LRRTM4: variants seen among roughly 807,000 people sequenced by gnomAD.
LRRTM4 encodes leucine rich repeat transmembrane neuronal 4, also known as leucine-rich repeat transmembrane neuronal protein 4.
In LRRTM4, 25 loss-of-function variants were observed where a neutral mutation model predicts 47.6. The ratio of observed to expected loss-of-function variants is 0.53; its 90% CI spans 0.38 to 0.73. The LOEUF (loss-of-function observed/expected upper bound fraction) is 0.73, where lower values mean the gene tolerates loss of function less well. Ranked by LOEUF, LRRTM4 falls within the 30% of genes least tolerant of loss-of-function variation. The probability of loss-of-function intolerance (pLI) is 0.00; values close to 1 mark genes in which losing one functional copy is unlikely to be tolerated. For synonymous variants in LRRTM4, 311 were observed against 269.5 expected, an observed-to-expected ratio of 1.15 and a Z score of -1.51; for missense variants, 638 against 713.4, an observed-to-expected ratio of 0.89 and a Z score of 1.20.
intron 3 of LRRTM4, among the ~76,000 whole-genome samples, chr2:77,294,189 A>G (rs1676907073): frequency 6.6e-6 from 1 of 151,966 alleles, no homozygotes; most frequent in Non-Finnish European, 1.5e-5. Flanking sequence ...TATATTTTCT[A>G]CTTCAGATGG....
chr2:77,300,404 G>C (rs1412834625), intron 3 of LRRTM4, among the ~76,000 whole-genome samples: 1 of 152,126 alleles, frequency 6.6e-6, no homozygotes, highest in Admixed American at 6.6e-5. Flanking sequence ...TAAGAGTTAA[G>C]AGACTTTAGC....
intron 3 of LRRTM4, among the ~76,000 whole-genome samples, chr2:77,433,330 G>A (rs1249988026): frequency 2.0e-5 from 3 of 152,096 alleles, no homozygotes; most frequent in Non-Finnish European, 4.4e-5. Context: ...GGCAGTATGA[G>A]GAAGATATGA....
At chr2:77,356,045 T>C (rs996444266) in intron 3 of LRRTM4, among the ~76,000 whole-genome samples, 4 of 152,108 alleles carry the variant, frequency 2.6e-5, no homozygotes, top group Non-Finnish European at 5.9e-5. Context: ...AGTGAGCCAT[T>C]AATGTGCCAC....
At chr2:76,927,328 G>C (rs1194074980) in intron 3 of LRRTM4, among the ~76,000 whole-genome samples, 2 of 152,096 alleles carry the variant, frequency 1.3e-5, no homozygotes, top group African/African-American at 4.8e-5. Context: ...ACTTCCTTAT[G>C]AGTTTTAGAC....
chr2:77,326,257 A>T (rs964070249), intron 3 of LRRTM4, among the ~76,000 whole-genome samples: 8 of 152,226 alleles, frequency 5.3e-5, no homozygotes, highest in African/African-American at 1.9e-4. Flanking sequence ...AGTTTCTCAC[A>T]TCATGTAAAA....
intron 3 of LRRTM4, among the ~76,000 whole-genome samples, chr2:77,236,340 C>G (rs1403112245): frequency 6.6e-6 from 1 of 152,036 alleles, no homozygotes; most frequent in Non-Finnish European, 1.5e-5. Flanking sequence ...TATGGGAATG[C>G]CACTGATTTT....
intron 3 of LRRTM4, chr2:76,773,058 A>C (rs1001652499): frequency 4.6e-5 from 7 of 152,186 alleles, no homozygotes; most frequent in African/African-American, 1.7e-4. Context: ...CCCCAAGGAT[A>C]AGGAGTACTA....
chr2:77,198,843 C>T (rs1231695438), intron 3 of LRRTM4, among the ~76,000 whole-genome samples: 7 of 152,156 alleles, frequency 4.6e-5, no homozygotes, highest in African/African-American at 1.7e-4. Context: ...ACTAGCTATC[C>T]TAACTACTAC....
intron 3 of LRRTM4, among the ~76,000 whole-genome samples, chr2:76,964,568 T>C (rs1558765688): frequency 6.6e-6 from 1 of 150,862 alleles, no homozygotes; most frequent in Non-Finnish European, 1.5e-5. Context: ...TTCAAATTGT[T>C]TGACATATTG....
intron 3 of LRRTM4, among the ~76,000 whole-genome samples, chr2:77,032,151 G>T (rs1311462169): frequency 2.6e-5 from 4 of 152,130 alleles, no homozygotes; most frequent in Admixed American, 2.6e-4. Flanking sequence ...TGGCTCTGCA[G>T]TGACTTTCAC....
At chr2:76,897,467 G>T (rs1197379631) in intron 3 of LRRTM4, among the ~76,000 whole-genome samples, 2 of 152,026 alleles carry the variant, frequency 1.3e-5, no homozygotes, top group African/African-American at 4.8e-5. Flanking sequence ...TTTACATATG[G>T]TATGTGCTAT....
At chr2:77,374,114 A>C (rs1026449748) in intron 3 of LRRTM4, among the ~76,000 whole-genome samples, 1 of 151,800 alleles carries the variant, frequency 6.6e-6, no homozygotes, top group Non-Finnish European at 1.5e-5. Flanking sequence ...CATAAAAATA[A>C]AAAATTTCAG....
At chr2:77,103,519 C>T (rs1035821670) in intron 3 of LRRTM4, among the ~76,000 whole-genome samples, 3 of 151,832 alleles carry the variant, frequency 2.0e-5, no homozygotes, top group Admixed American at 6.6e-5. Flanking sequence ...TGAAAAAAAG[C>T]GGACCAAGTT....
rs137863697 is a variant in LRRTM4 at position 77,326,642 on chromosome 2, C to T, written c.1551+191676G>A. ...AACTCCCGGCCTCAAGCAATTGTTC[C>T]ACCTTGGCCTCCCAAAGTGCTAGGA... On this transcript the variant is annotated intron_variant, in intron 3 of 3. Coordinates refer to ENST00000409884, the MANE Select transcript of LRRTM4 (RefSeq NM_001134745.3). Among the ~76,000 whole-genome samples, 206 of 152,256 alleles carry T rather than the reference C, an allele frequency of 1.4e-3. 1 individual carries two copies. Among genetic ancestry groups the T allele is most frequent in the African/African-American group, 4.8e-3 (199 of 41,574 alleles).
intron 3 of LRRTM4, among the ~76,000 whole-genome samples, chr2:77,424,833 C>A (rs936081078): frequency 6.6e-6 from 1 of 152,054 alleles, no homozygotes; most frequent in African/African-American, 2.4e-5. Flanking sequence ...GGCTATAGAC[C>A]CAGGGATCCT....
intron 3 of LRRTM4, among the ~76,000 whole-genome samples, chr2:77,227,186 C>T (rs536811762): frequency 6.6e-6 from 1 of 152,072 alleles, no homozygotes; most frequent in South Asian, 2.1e-4. Context: ...GCAGCAATCT[C>T]CCTTAAGAAT....
rs138838748 is a variant in LRRTM4, at chr2:77,514,253, A to T, written c.1551+4065T>A. Among the ~76,000 whole-genome samples the T allele has an allele frequency of 5.1e-3, 780 of 152,128 alleles. 13 individuals are homozygous for T. Among genetic ancestry groups the T allele is most frequent in the African/African-American group, 0.018 (743 of 41,544 alleles). ...TAAACTGTTAATTAAACTCAAGGTA[A>T]CTGGGTCTGCTTTCCTTAGAGTCCT... On this transcript the variant is annotated intron_variant, in intron 3 of 3. Transcript: ENST00000409884.
chr2:77,479,480 C>T lies in LRRTM4; in HGVS notation c.1551+38838G>A, dbSNP rs1435320613. On this transcript the variant is annotated intron_variant, in intron 3 of 3. Coordinates refer to ENST00000409884, the MANE Select transcript of LRRTM4 (RefSeq NM_001134745.3). ...CAAAAAGCAAGTCGTCAGGGTTTACCGGACAGTGTGCACCGTAGCAGGATG... is the reference window on the plus strand; with the variant it reads ...CAAAAAGCAAGTCGTCAGGGTTTACTGGACAGTGTGCACCGTAGCAGGATG... Among the ~76,000 whole-genome samples, 5 of 152,154 alleles carry T rather than the reference C, an allele frequency of 3.3e-5. No individual in the cohort carries two copies. The South Asian group carries it at 8.3e-4, about 25-fold the overall frequency.
chr2:76,999,927 C>T (rs1677352651), intron 3 of LRRTM4, among the ~76,000 whole-genome samples: 1 of 152,218 alleles, frequency 6.6e-6, no homozygotes, highest in Admixed American at 6.5e-5. Flanking sequence ...TAAAAGTGCA[C>T]AAGGGCAGAG....
Sources: gnomAD v4.1 joint callset for allele counts (sites outside exome capture counted in the v4.1 genomes callset) on GRCh38, gnomAD v4.1.1 for gene constraint, MANE v1.5 for transcripts, NCBI Gene and HGNC (gene_info 2026-07-23, HGNC 2026-07-21) for gene names.